KMT2B: variants seen among roughly 807,000 people sequenced by gnomAD.
KMT2B encodes histone-lysine N-methyltransferase 2B.
KMT2B carries 22 observed loss-of-function variants against 255.3 expected under a neutral mutation model. The ratio of observed to expected loss-of-function variants is 0.09; its 90% CI spans 0.06 to 0.12. The LOEUF (loss-of-function observed/expected upper bound fraction) is 0.12. Among genes scored for constraint, KMT2B ranks in the 10% least tolerant of loss-of-function variants. The pLI, the probability that KMT2B is intolerant of heterozygous loss-of-function variation, is 1.00. For missense variants in KMT2B, 3,149 were observed against 3,737.0 expected, an observed-to-expected ratio of 0.84 and a Z score of 4.10; for synonymous variants, 1,730 against 1,498.1, an observed-to-expected ratio of 1.15 and a Z score of -3.57.
Position 35,724,624 on chromosome 19 carries a change from G to T in KMT2B, c.3335-13G>T. 1 of 1,580,934 alleles carries T rather than the reference G, an allele frequency of 6.3e-7. No individual in the cohort carries two copies. The highest frequency in any genetic ancestry group is 8.6e-7 in the Non-Finnish European group (1 of 1,163,516). On this transcript the variant is annotated splice_polypyrimidine_tract_variant and intron_variant, in intron 8 of 36. Coordinates refer to ENST00000420124, the MANE Select transcript of KMT2B (RefSeq NM_014727.3). ...AAGGGGAGTGACCTCACTGCTCATT[G>T]TGTCCTGCCTAGAGCTGCCACTGCC... is the stretch of plus-strand genomic sequence containing the variant.
At position 35,722,371 on chromosome 19, in the gene KMT2B, G is replaced by A; in HGVS notation, c.2470G>A (p.Gly824Arg). The A allele has an allele frequency of 6.2e-7, 1 of 1,609,988 alleles. No individual in the cohort carries two copies. The highest frequency in any genetic ancestry group is 8.5e-7 in the Non-Finnish European group (1 of 1,179,562). Residue 824 changes from glycine to arginine, a missense_variant, in exon 4 of 37, where the codon GGG becomes AGG. By Grantham distance (125) the Gly-to-Arg change is moderately radical. Coordinates refer to ENST00000420124, the MANE Select transcript of KMT2B (RefSeq NM_014727.3). ...TATTCCCTGCCAGCTGAGCCCTGGAGGGCAGATGGAGGAGGTGGCCGGGGC... is the reference window on the plus strand; with the variant it reads ...TATTCCCTGCCAGCTGAGCCCTGGAAGGCAGATGGAGGAGGTGGCCGGGGC... ...VAASMPLSPG[G>R]QMEEVAGAVK...
chr19:35,721,017 T>A lies in KMT2B; in HGVS notation c.1670T>A (p.Val557Glu). The change falls in exon 3 of 37, where the codon GTG (valine) becomes GAG (glutamate). Residue 557 changes from valine to glutamate, a missense_variant. Val to Glu is a moderately radical substitution (Grantham distance 121). This residue lies in a region of KMT2B where 1,188 missense variants were observed against 1,106.4 expected (regional missense o/e 1.07). Coordinates refer to ENST00000420124, the MANE Select transcript of KMT2B (RefSeq NM_014727.3). ...MDEDPPKPPKVEVSPVLRPPI... is the reference protein window; with the variant it reads ...MDEDPPKPPKEEVSPVLRPPI... Reference sequence around the variant, plus strand: ...GAAGACCCCCCCAAACCCCCAAAGGTGGAGGTCTCACCTGTCCTGCGACCT... The same window carrying A: ...GAAGACCCCCCCAAACCCCCAAAGGAGGAGGTCTCACCTGTCCTGCGACCT... The A allele has an allele frequency of 6.2e-7, 1 of 1,601,108 alleles. No individual in the cohort carries two copies.
intron 14 of KMT2B, 45 bp downstream of exon 14, chr19:35,726,398 A>C (rs1314087840): frequency 7.7e-7 from 1 of 1,293,622 alleles, no homozygotes; most frequent in African/African-American, 1.5e-5. Flanking sequence ...CCACAGGGGA[A>C]TGGCCAGGCT....
Position 35,725,144 on chromosome 19 carries a change from T to A in KMT2B, c.3528+57T>A. On this transcript the variant is annotated intron_variant, in intron 10 of 36. Transcript: ENST00000420124. The surrounding 1 kb of genome is among the most constrained non-coding windows in gnomAD (Gnocchi z 4.1). ...CTCTGGTTGGAAGAACCTCGATGACTGTGTCATCGAGAAGCCAGGTGGGTC... is the reference window on the plus strand; with the variant it reads ...CTCTGGTTGGAAGAACCTCGATGACAGTGTCATCGAGAAGCCAGGTGGGTC... The A allele has an allele frequency of 1.9e-6, 3 of 1,548,996 alleles. No individual in the cohort carries two copies. The highest frequency in any genetic ancestry group is 2.2e-5 in the East Asian group (1 of 44,558).
intron 3 of KMT2B, among the ~76,000 whole-genome samples, chr19:35,722,030 C>A (rs909738087): frequency 1.3e-4 from 19 of 149,788 alleles, no homozygotes; most frequent in African/African-American, 4.4e-4. Context: ...ATTTTTGAGA[C>A]CGAGTCTCAC....
intron 9 of KMT2B, 43 bp downstream of exon 9, chr19:35,724,774 A>G (rs192726663): frequency 4.9e-4 from 736 of 1,497,428 alleles, no homozygotes; most frequent in Non-Finnish European, 6.3e-4. Context: ...TCCAGGAGCT[A>G]CCTGGCAAGT....
Position 35,733,913 on chromosome 19 carries a change from G to A in KMT2B, c.7159+41G>A, listed in dbSNP as rs1162063480. On this transcript the variant is annotated intron_variant, in intron 30 of 36. Transcript: ENST00000420124. This position sits in a 1 kb window ranked among gnomAD's most constrained non-coding sequence, Gnocchi z 4.3. ...GCCCTCTCCCTCCTTGCCTGTGCCT[G>A]GCTCAGCTGGGTGACTCACAGATGC... 2.1e-6 allele frequency: 3 copies of A among 1,426,230 alleles called. No homozygotes were observed. The highest frequency in any genetic ancestry group is 2.4e-5 in the South Asian group (2 of 84,650). The allele number at this position is 1,426,230 out of a possible 1,614,324, so 88.3% of individuals were successfully genotyped here.
In KMT2B at chr19:35,732,556, T is replaced by C; in HGVS notation, c.6007T>C (p.Phe2003Leu). 1 of 1,613,792 alleles carries C rather than the reference T, an allele frequency of 6.2e-7. No individual in the cohort carries two copies. The highest frequency in any genetic ancestry group is 1.6e-4 in the Middle Eastern group (1 of 6,062). The stretch of plus-strand genomic sequence containing the variant: ...GGCCAGCCTGCTGGGGACTGAGCCC[T>C]TCCAGGAAGAGATTGTAGCCGCTGG... ...FAASLLGTEP[F>L]QEEIVAAGAM... The change falls in exon 28 of 37, where the codon TTC becomes CTC. Residue 2003 changes from phenylalanine to leucine, a missense_variant. Physicochemically the swap from Phe to Leu is conservative, Grantham distance 22. Transcript: ENST00000420124.
intron 4 of KMT2B, 46 bp from the exon 5 acceptor site, chr19:35,722,522 C>T: frequency 3.1e-6 from 5 of 1,591,734 alleles, no homozygotes; most frequent in Non-Finnish European, 4.3e-6. Flanking sequence ...AGGAGTGGGG[C>T]TGCGGGAGCG....
Position 35,721,008 on chromosome 19 carries a change from C to A in KMT2B, c.1661C>A (p.Pro554His). The change falls in exon 3 of 37, where the codon CCC (proline) becomes CAC (histidine). Residue 554 changes from proline (P) to histidine (H), a missense_variant. Around this residue, in one of 18 missense-constraint regions of KMT2B, gnomAD observed 1,188 missense variants for 1,106.4 expected, o/e 1.07. Transcript: ENST00000420124. ...RRFMDEDPPKPPKVEVSPVLR... is the reference protein window; with the variant it reads ...RRFMDEDPPKHPKVEVSPVLR... ...TTTATGGATGAAGACCCCCCCAAACCCCCAAAGGTGGAGGTCTCACCTGTC... is the reference window on the plus strand; with the variant it reads ...TTTATGGATGAAGACCCCCCCAAACACCCAAAGGTGGAGGTCTCACCTGTC... 2.5e-6 allele frequency: 4 copies of A among 1,610,506 alleles called. No individual in the cohort carries two copies. The highest frequency in any genetic ancestry group is 3.4e-6 in the Non-Finnish European group (4 of 1,178,768).
chr19:35,719,007 G>A (rs1297842474), intron 1 of KMT2B, among the ~76,000 whole-genome samples: 1 of 152,178 alleles, frequency 6.6e-6, no homozygotes, highest in East Asian at 1.9e-4. Context: ...AACAACCTGA[G>A]AGCTCGCAGT....
At position 35,737,638 on chromosome 19, in the gene KMT2B, A is replaced by G. The variant is rs200011960; in HGVS notation, c.7553A>G (p.Lys2518Arg). Residue 2518 changes from lysine (K) to arginine (R), a missense_variant and splice_region_variant, in exon 34 of 37, where the codon AAG becomes AGG. By Grantham distance (26) the Lys-to-Arg change is conservative. Transcript: ENST00000420124. The surrounding 1 kb of genome is among the most constrained non-coding windows in gnomAD (Gnocchi z 5.3). Reference sequence around the variant, plus strand: ...CCTTCCCCTGCTGCCACCTGCAGGAAGTGCACCTTTGACATGTTCAACTTC... The same window carrying G: ...CCTTCCCCTGCTGCCACCTGCAGGAGGTGCACCTTTGACATGTTCAACTTC... Reference protein sequence around the residue: ...GAARAEVYLRKCTFDMFNFLA... With the variant: ...GAARAEVYLRRCTFDMFNFLA... The G allele has an allele frequency of 1.3e-6, 2 of 1,552,468 alleles. No individual in the cohort carries two copies. Among genetic ancestry groups the G allele is most frequent in the Non-Finnish European group, 1.7e-6 (2 of 1,145,952 alleles).
At chr19:35,730,973 C>T in intron 26 of KMT2B, 106 bp downstream of exon 26, 1 of 1,259,466 alleles carries the variant, frequency 7.9e-7, no homozygotes, top group Non-Finnish European at 1.1e-6. Context: ...CTTGCTTTTG[C>T]TTCAGTTGCT....
intron 1 of KMT2B, among the ~76,000 whole-genome samples, chr19:35,719,159 A>C (rs768056047): frequency 3.9e-5 from 6 of 152,094 alleles, no homozygotes; most frequent in Non-Finnish European, 8.8e-5. Flanking sequence ...CTCTGAAGGA[A>C]TCTGAGTATG....
chr19:35,729,470 C>T (rs1969605202), intron 22 of KMT2B, among the ~76,000 whole-genome samples, 174 bp downstream of exon 22: 1 of 152,222 alleles, frequency 6.6e-6, no homozygotes, highest in African/African-American at 2.4e-5. Flanking sequence ...TATGTGGGCC[C>T]TCTGGCTGTA....
At position 35,732,598 on chromosome 19, in the gene KMT2B, C is replaced by T. The variant is rs1969749199; in HGVS notation, c.6049C>T (p.His2017Tyr). Reference protein sequence around the residue: ...IVAAGAMGSSHGGPGDSSEEE... With the variant: ...IVAAGAMGSSYGGPGDSSEEE... ...AGCCGCTGGGGCCATGGGGAGCAGC[C>T]ACGGGGGCCCGGGGGACAGCTCCGA... is the stretch of plus-strand genomic sequence containing the variant. The change falls in exon 28 of 37, where the codon CAC (histidine) becomes TAC (tyrosine). Residue 2017 changes from histidine to tyrosine, a missense_variant. Transcript: ENST00000420124. 1.9e-6 allele frequency: 3 copies of T among 1,612,888 alleles called. No individual in the cohort carries two copies. The highest frequency in any genetic ancestry group is 1.3e-5 in the African/African-American group (1 of 74,934).
In KMT2B at chr19:35,737,005, A is replaced by AG. The variant is rs764591693; in HGVS notation, c.7372+24dup. ...TTTAGTGGTAAGGAGTGGGCCCCACAGGGGGCAGGGAGCTGGATGTCTCCC... is the reference window on the plus strand; with the variant it reads ...TTTAGTGGTAAGGAGTGGGCCCCACAGGGGGGCAGGGAGCTGGATGTCTCCC... On this transcript the variant is annotated intron_variant, in intron 32 of 36. Transcript: ENST00000420124. The surrounding 1 kb of genome is among the most constrained non-coding windows in gnomAD (Gnocchi z 5.3). 85 of 1,611,972 alleles carry AG rather than the reference A, an allele frequency of 5.3e-5. No homozygotes were observed. The highest frequency in any genetic ancestry group is 7.0e-5 in the Non-Finnish European group (82 of 1,178,994).
intron 22 of KMT2B, among the ~76,000 whole-genome samples, 152 bp from the exon 23 acceptor site, chr19:35,729,815 C>T (rs1969619857): frequency 6.6e-6 from 1 of 152,238 alleles, no homozygotes; most frequent in Non-Finnish European, 1.5e-5. Context: ...TTGGTGTGCA[C>T]CTGGGCCTGG....
In KMT2B at chr19:35,730,035, C is replaced by T. The variant is rs372432644; in HGVS notation, c.4986C>T (p.Phe1662=). 7 of 1,613,714 alleles carry T rather than the reference C, an allele frequency of 4.3e-6. No homozygotes were observed. Among genetic ancestry groups the T allele is most frequent in the Non-Finnish European group, 5.9e-6 (7 of 1,179,842 alleles). Residue 1662 remains phenylalanine, a synonymous_variant, in exon 23 of 37, where the codon TTC becomes TTT. Transcript: ENST00000420124. ...GCCTGTCCTCCTGCCTCAGCAACTT[C>T]CACTTCATGTGTGCCCGGGCCAGCT... The part of the protein sequence containing the change: ...GCCLSSCLSN[F]HFMCARASYC...
Sources: allele counts gnomAD v4.1 joint callset (sites outside exome capture counted in the v4.1 genomes callset), GRCh38; gene constraint gnomAD v4.1.1; regional missense constraint gnomAD v4.1.1; non-coding constraint Gnocchi (gnomAD v3.1); transcripts MANE v1.5; gene names NCBI Gene and HGNC (gene_info 2026-07-23, HGNC 2026-07-21).